Variants in PIGN observed in about 807,000 individuals in gnomAD.
The protein encoded by PIGN is phosphatidylinositol glycan anchor biosynthesis class N.
A neutral mutation model predicts 125.4 loss-of-function variants in PIGN; 117 were observed. The observed-to-expected ratio is 0.93, with a 90% confidence interval of 0.80 to 1.09. PIGN has a LOEUF of 1.09. PIGN is among the 50% of genes least tolerant of loss of function. The probability of loss-of-function intolerance (pLI) is 0.00; values close to 1 mark genes in which losing one functional copy is unlikely to be tolerated. For missense variants in PIGN, 1,075 were observed against 1,094.9 expected (o/e 0.98, Z 0.26); for synonymous variants, 392 against 377.8 (o/e 1.04, Z -0.44).
At position 62,161,396 on chromosome 18, in the gene PIGN, G is replaced by C; in HGVS notation, c.-32-11C>G. ...AGTCTTCAAGAACAGCTGAAAGAGA[G>C]AACAAAATTAAATTGGGGTAAATCT... On this transcript the variant is annotated splice_polypyrimidine_tract_variant and intron_variant, in intron 3 of 30. Transcript: ENST00000640252. 1 of 1,338,550 alleles carries C rather than the reference G, an allele frequency of 7.5e-7. No homozygotes were observed. Among genetic ancestry groups the C allele is most frequent in the South Asian group, 1.3e-5 (1 of 77,974 alleles). 82.9% of individuals were successfully genotyped at this position (1,338,550 alleles called of 1,614,324 possible). A position where few individuals can be genotyped will look rare whatever the true frequency, so the allele number is the denominator to read the frequency against.
chr18:62,036,529 T>C (rs12456116), downstream of PIGN, among the ~76,000 whole-genome samples: 45,898 of 152,122 alleles, frequency 0.3, 8,080 homozygotes, highest in East Asian at 0.58. Context: ...ATGTTGTTTT[T>C]CCTCTGGATA....
At chr18:62,032,339 G>T (rs912566432) in intron 23 of PIGN, among the ~76,000 whole-genome samples, 6 of 152,148 alleles carry the variant, frequency 3.9e-5, no homozygotes, top group African/African-American at 1.4e-4. Flanking sequence ...ATCCTTTAAT[G>T]CTGATTAAAA....
At chr18:62,022,381 T>C (rs2030063124) in intron 23 of PIGN, among the ~76,000 whole-genome samples, 1 of 152,218 alleles carries the variant, frequency 6.6e-6, no homozygotes, top group Non-Finnish European at 1.5e-5. Context: ...ATTTTCACTA[T>C]ACCCTCACAG....
chr18:62,119,171 G>A (rs573164860), intron 14 of PIGN, among the ~76,000 whole-genome samples: 159 of 152,240 alleles, frequency 1.0e-3, no homozygotes, highest in Non-Finnish European at 1.8e-3. Flanking sequence ...GTGGCCATCA[G>A]AGGACAAGGC....
intron 1 of PIGN, among the ~76,000 whole-genome samples, chr18:62,176,811 A>C (rs1178752264): frequency 6.6e-6 from 1 of 152,172 alleles, no homozygotes; most frequent in African/African-American, 2.4e-5. Flanking sequence ...TCTGTAGTTA[A>C]TAGTATTATA....
intron 1 of PIGN, among the ~76,000 whole-genome samples, chr18:62,164,985 A>G (rs1169380855): frequency 6.6e-6 from 1 of 152,196 alleles, no homozygotes; most frequent in East Asian, 1.9e-4. Context: ...TTTCCCCACG[A>G]AAAGGCATGT....
intron 30 of PIGN, among the ~76,000 whole-genome samples, chr18:62,062,733 T>C (rs751222893): frequency 5.3e-5 from 8 of 152,066 alleles, no homozygotes; most frequent in Non-Finnish European, 1.2e-4. Context: ...ACATAAATCA[T>C]TGAAACATAA....
chr18:62,036,356 C>T (rs921654988), downstream of PIGN, among the ~76,000 whole-genome samples: 18 of 151,954 alleles, frequency 1.2e-4, no homozygotes, highest in African/African-American at 3.6e-4. Context: ...CCTCTTGCCT[C>T]AGCCTCCTGA....
rs1410954176 is a variant in PIGN at position 62,043,879 on chromosome 18, T to C, written c.*1977A>G. Reference sequence around the variant, plus strand: ...AGTCTTGATTCAGAAATCTATGGCATAGGTAGAATGAAAAAATAAATACCT... The same window carrying C: ...AGTCTTGATTCAGAAATCTATGGCACAGGTAGAATGAAAAAATAAATACCT... On this transcript the variant is annotated 3_prime_UTR_variant, in exon 31 of 31. Coordinates refer to ENST00000640252, the MANE Select transcript of PIGN (RefSeq NM_176787.5). The C allele has an allele frequency of 6.6e-6, 1 of 152,250 alleles. No homozygotes were observed. The highest frequency in any genetic ancestry group is 1.5e-5 in the Non-Finnish European group (1 of 68,042). The allele number at this position is 152,250 out of a possible 1,614,324, so 9.4% of individuals were successfully genotyped here. A position where few individuals can be genotyped will look rare whatever the true frequency, so the allele number is the denominator to read the frequency against.
intron 17 of PIGN, 57 bp from the exon 18 acceptor site, chr18:62,107,142 A>C: frequency 1.9e-6 from 2 of 1,079,080 alleles, no homozygotes; most frequent in East Asian, 2.6e-5. Context: ...ATAGTATAAC[A>C]ATACAAACTT....
At chr18:62,145,188 TG>T (rs1413612591) in intron 10 of PIGN, among the ~76,000 whole-genome samples, 3 of 152,096 alleles carry the variant, frequency 2.0e-5, no homozygotes, top group Admixed American at 2.0e-4. Context: ...ATGTAGTAGA[TG>T]AAAAAAAGAG....
intron 22 of PIGN, among the ~76,000 whole-genome samples, chr18:62,100,382 T>C (rs1482921886): frequency 6.6e-6 from 1 of 152,190 alleles, no homozygotes; most frequent in Non-Finnish European, 1.5e-5. Flanking sequence ...TGTAAGTTAG[T>C]ACAGCCATTC....
intron 14 of PIGN, among the ~76,000 whole-genome samples, chr18:62,124,010 G>A (rs1239966121): frequency 6.6e-6 from 1 of 152,028 alleles, no homozygotes; most frequent in African/African-American, 2.4e-5. Flanking sequence ...CCTAATGCAT[G>A]AAGCATCATA....
At chr18:62,105,898 C>A (rs891674380) in intron 19 of PIGN, among the ~76,000 whole-genome samples, 8 of 152,098 alleles carry the variant, frequency 5.3e-5, no homozygotes, top group Admixed American at 4.6e-4. Flanking sequence ...CTCACAATAA[C>A]CTCAAGAGGC....
chr18:62,148,651 C>T (rs1267240539), intron 7 of PIGN, among the ~76,000 whole-genome samples: 2 of 152,130 alleles, frequency 1.3e-5, no homozygotes, highest in African/African-American at 4.8e-5. Context: ...AGATTGAAGA[C>T]ATATTTTGGC....
intron 30 of PIGN, among the ~76,000 whole-genome samples, chr18:62,054,259 A>G (rs989935004): frequency 2.6e-5 from 4 of 152,232 alleles, no homozygotes; most frequent in Admixed American, 6.5e-5. Context: ...ATGTAAAAAC[A>G]TAAACATTTT....
intron 1 of PIGN, among the ~76,000 whole-genome samples, chr18:62,185,346 A>G (rs1403404265): frequency 6.6e-6 from 1 of 152,206 alleles, no homozygotes; most frequent in East Asian, 1.9e-4. Flanking sequence ...TATGGCACAG[A>G]AAACTATTTA....
At chr18:62,069,689 G>A (rs1330705806) in intron 30 of PIGN, 2 of 152,366 alleles carry the variant, frequency 1.3e-5, no homozygotes, top group East Asian at 1.9e-4. Context: ...AGGGGCTGAT[G>A]AGCGGGAGAA....
intron 5 of PIGN, 35 bp from the exon 6 acceptor site, chr18:62,157,262 C>T: frequency 9.6e-7 from 1 of 1,039,886 alleles, no homozygotes; most frequent in Admixed American, 1.9e-5. Flanking sequence ...TAGTTATATA[C>T]ACATGGTACA....
Sources: gnomAD v4.1 joint callset for allele counts (sites outside exome capture counted in the v4.1 genomes callset) on GRCh38, gnomAD v4.1.1 for gene constraint, MANE v1.5 for transcripts, NCBI Gene and HGNC (gene_info 2026-07-23, HGNC 2026-07-21) for gene names.